The following ZEB1 variants were observed in gnomAD, a reference collection of about 807,000 sequenced individuals.
ZEB1 encodes the protein zinc finger E-box-binding homeobox 1.
A neutral mutation model predicts 84.9 loss-of-function variants in ZEB1; 21 were observed. The ratio of observed to expected loss-of-function variants is 0.25; its 90% CI spans 0.18 to 0.36. The LOEUF is 0.36. Among genes scored for constraint, ZEB1 ranks in the 10% least tolerant of loss-of-function variants. ZEB1 has a pLI of 1.00. For missense variants in ZEB1, 1,104 were observed against 1,330.2 expected (o/e 0.83, Z 2.65); for synonymous variants, 420 against 471.1 (o/e 0.89, Z 1.41).
At chr10:31,379,441 CTGTG>C (rs916980004) in intron 1 of ZEB1, among the ~76,000 whole-genome samples, 9 of 151,676 alleles carry the variant, frequency 5.9e-5, no homozygotes, top group African/African-American at 1.2e-4. Context: ...GTCTCTCTCT[CTGTG>C]TGTGTATATA....
chr10:31,511,262 GA>G (rs2069948930), intron 5 of ZEB1, among the ~76,000 whole-genome samples: 1 of 152,118 alleles, frequency 6.6e-6, no homozygotes, highest in Non-Finnish European at 1.5e-5. Context: ...AAATTGACAA[GA>G]AAGTCAAATT....
intron 1 of ZEB1, among the ~76,000 whole-genome samples, chr10:31,451,663 T>G (rs752411794): frequency 2.6e-5 from 4 of 152,230 alleles, no homozygotes; most frequent in Non-Finnish European, 5.9e-5. Context: ...TGAATTTAAT[T>G]TAATCTCTTG....
intron 3 of ZEB1, among the ~76,000 whole-genome samples, chr10:31,496,977 A>C (rs1186895928): frequency 6.6e-6 from 1 of 152,116 alleles, no homozygotes; most frequent in East Asian, 1.9e-4. Context: ...ATAATGGAGT[A>C]TGTGATAATT....
At chr10:31,525,605 C>T (rs1343270748) in intron 8 of ZEB1, among the ~76,000 whole-genome samples, 1 of 152,174 alleles carries the variant, frequency 6.6e-6, no homozygotes, top group Non-Finnish European at 1.5e-5. Flanking sequence ...TCCCTGCCCC[C>T]ACTACCAGCC....
chr10:31,438,671 A>C (rs949407853), intron 1 of ZEB1, among the ~76,000 whole-genome samples: 43 of 152,254 alleles, frequency 2.8e-4, no homozygotes, highest in African/African-American at 1.0e-3. Flanking sequence ...CCCTGTCTCT[A>C]TAAAAAAAAA....
intron 2 of ZEB1, among the ~76,000 whole-genome samples, chr10:31,479,692 T>C (rs887089068): frequency 2.0e-5 from 3 of 151,940 alleles, no homozygotes; most frequent in African/African-American, 4.8e-5. Flanking sequence ...AAATATAATA[T>C]GCTATTGAAA....
chr10:31,525,681 T>C (rs2073296845), intron 8 of ZEB1, among the ~76,000 whole-genome samples: 2 of 152,226 alleles, frequency 1.3e-5, no homozygotes, highest in Non-Finnish European at 1.5e-5. Flanking sequence ...TTTTTACTCT[T>C]GTGAGAAAAG....
At chr10:31,323,665 A>G (rs1046313808) in intron 1 of ZEB1, among the ~76,000 whole-genome samples, 1 of 152,088 alleles carries the variant, frequency 6.6e-6, no homozygotes, top group Non-Finnish European at 1.5e-5. Context: ...TTGTATTTAA[A>G]TAATTCCTTT....
At chr10:31,399,663 G>A (rs2051537840) in intron 1 of ZEB1, among the ~76,000 whole-genome samples, 1 of 152,094 alleles carries the variant, frequency 6.6e-6, no homozygotes. Context: ...TCTTAATATA[G>A]CAGGTAAAGT....
At chr10:31,329,427 C>T (rs2036286355) in intron 1 of ZEB1, among the ~76,000 whole-genome samples, 1 of 152,090 alleles carries the variant, frequency 6.6e-6, no homozygotes. Context: ...TCGCCATTCA[C>T]CTGCAGTGGA....
intron 2 of ZEB1, among the ~76,000 whole-genome samples, chr10:31,463,778 A>G (rs1482883583): frequency 6.6e-6 from 1 of 152,242 alleles, no homozygotes; most frequent in Non-Finnish European, 1.5e-5. Context: ...TGGAACTGCT[A>G]CAAATATCTA....
intron 1 of ZEB1, among the ~76,000 whole-genome samples, chr10:31,360,691 A>G (rs2042875536): frequency 6.6e-6 from 1 of 152,252 alleles, no homozygotes; most frequent in African/African-American, 2.4e-5. Context: ...AACATGGAAA[A>G]CAGTTTTTTT....
chr10:31,483,268 C>G (rs1412654949), intron 2 of ZEB1, among the ~76,000 whole-genome samples: 1 of 151,982 alleles, frequency 6.6e-6, no homozygotes, highest in Non-Finnish European at 1.5e-5. Context: ...TATTTTCATA[C>G]TTAGAATAGC....
rs910310294 is a variant in ZEB1, at chr10:31,404,069, G to A, written c.59-56968G>A. Among the ~76,000 whole-genome samples the A allele has an allele frequency of 7.2e-5, 11 of 152,122 alleles. No homozygotes were observed. The South Asian group carries it at 2.1e-3, about 29-fold the overall frequency. On this transcript the variant is annotated intron_variant, in intron 1 of 8. Coordinates refer to ENST00000424869, the MANE Select transcript of ZEB1 (RefSeq NM_001174096.2). ...ATTTTCACCAAGTTATAAAGATTCA[G>A]TATGTTATCCTTTTGGAAATTTAAA...
Position 31,377,338 on chromosome 10 carries a change from T to C in ZEB1, c.58+58046T>C, listed in dbSNP as rs76954622. The stretch of plus-strand genomic sequence containing the variant: ...TGTAAAGAATACTTAAAGCACAAAA[T>C]GTGAGACTGCTCTGCCACTAGTTCC... On this transcript the variant is annotated intron_variant, in intron 1 of 8. Coordinates refer to ENST00000424869, the MANE Select transcript of ZEB1 (RefSeq NM_001174096.2). 5.2e-3 allele frequency among the ~76,000 whole-genome samples: 792 copies of C among 151,778 alleles called. 10 individuals are homozygous for C. Among genetic ancestry groups the C allele is most frequent in the African/African-American group, 0.018 (755 of 41,496 alleles).
intron 1 of ZEB1, among the ~76,000 whole-genome samples, chr10:31,397,221 C>T (rs1244802547): frequency 6.8e-6 from 1 of 147,208 alleles, no homozygotes; most frequent in Non-Finnish European, 1.5e-5. Flanking sequence ...TTCTAGGGTA[C>T]ATGTGCACAA....
At chr10:31,385,933 A>T (rs1414406973) in intron 1 of ZEB1, among the ~76,000 whole-genome samples, 1 of 152,210 alleles carries the variant, frequency 6.6e-6, no homozygotes, top group Non-Finnish European at 1.5e-5. Flanking sequence ...GTTAAAGGAA[A>T]ACAAATGAAT....
chr10:31,526,001 CCTGA>C (rs1193301726), intron 8 of ZEB1, among the ~76,000 whole-genome samples: 1 of 152,172 alleles, frequency 6.6e-6, no homozygotes, highest in African/African-American at 2.4e-5. Context: ...CATTATCGAT[CCTGA>C]CTATGATCAG....
intron 8 of ZEB1, among the ~76,000 whole-genome samples, chr10:31,526,294 A>G (rs773000393): frequency 6.6e-6 from 1 of 152,202 alleles, no homozygotes; most frequent in Non-Finnish European, 1.5e-5. Context: ...CCTTGTAGTG[A>G]TAATGAACAC....
Sources: allele counts gnomAD v4.1 joint callset (sites outside exome capture counted in the v4.1 genomes callset), GRCh38; gene constraint gnomAD v4.1.1; transcripts MANE v1.5; gene names NCBI Gene and HGNC (gene_info 2026-07-23, HGNC 2026-07-21).